The following MYRFL variants were observed in gnomAD, a reference collection of about 807,000 sequenced individuals.
MYRFL encodes myelin regulatory factor like.
A neutral mutation model predicts 109.4 loss-of-function variants in MYRFL; 88 were observed. The observed-to-expected ratio is 0.80, with a 90% CI of 0.68 to 0.96. The LOEUF is 0.96. MYRFL is among the 40% of genes least tolerant of loss of function. The pLI is 0.00. For missense variants in MYRFL, 957 were observed against 954.9 expected, an observed-to-expected ratio of 1.00 and a Z score of -0.03; for synonymous variants, 324 against 320.9, an observed-to-expected ratio of 1.01 and a Z score of -0.10.
At chr12:69,878,141 GC>G (rs1885802747) in intron 2 of MYRFL, among the ~76,000 whole-genome samples, 2 of 151,128 alleles carry the variant, frequency 1.3e-5, no homozygotes, top group South Asian at 2.1e-4. Flanking sequence ...TACTTGGGAG[GC>G]TGAGTCAGGA....
intron 1 of MYRFL, among the ~76,000 whole-genome samples, chr12:69,844,200 G>A (rs958477095): frequency 1.3e-5 from 2 of 152,178 alleles, no homozygotes; most frequent in Non-Finnish European, 2.9e-5. Context: ...GCCAGTTACT[G>A]CAGGGATCAT....
intron 5 of MYRFL, among the ~76,000 whole-genome samples, chr12:69,885,437 C>T (rs1489474680): frequency 5.9e-5 from 9 of 152,114 alleles, no homozygotes; most frequent in African/African-American, 2.2e-4. Flanking sequence ...AACAACCCAG[C>T]TCCTTTCTCC....
intron 2 of MYRFL, among the ~76,000 whole-genome samples, chr12:69,863,796 C>T (rs1884843961): frequency 6.6e-6 from 1 of 152,156 alleles, no homozygotes; most frequent in South Asian, 2.1e-4. Flanking sequence ...CTTCTTCCAC[C>T]TTAGGAACTC....
At chr12:69,912,048 G>T (rs902979109) in intron 13 of MYRFL, among the ~76,000 whole-genome samples, 1 of 152,162 alleles carries the variant, frequency 6.6e-6, no homozygotes, top group Non-Finnish European at 1.5e-5. Context: ...TTTCATGTTA[G>T]GCACCACCAC....
In MYRFL at chr12:69,920,904, C is replaced by G. The variant is rs188614051; in HGVS notation, c.1603-5667C>G. On this transcript the variant is annotated intron_variant, in intron 13 of 24. Coordinates refer to ENST00000552032, the MANE Select transcript of MYRFL (RefSeq NM_182530.3). ...CATGCTCATTCTGTCCATATGTACC[C>G]TAACTCCATAGCAAGTCTCAAACAG... Among the ~76,000 whole-genome samples the G allele has an allele frequency of 9.8e-5, 15 of 152,306 alleles. No individual in the cohort carries two copies. The South Asian group carries it at 1.5e-3, about 15-fold the overall frequency.
At chr12:69,886,724 C>A in intron 5 of MYRFL, 96 bp from the exon 6 acceptor site, 1 of 1,418,240 alleles carries the variant, frequency 7.1e-7, no homozygotes, top group South Asian at 1.4e-5. Context: ...GTCACTCTGC[C>A]TTACACATGG....
intron 2 of MYRFL, among the ~76,000 whole-genome samples, chr12:69,858,309 T>A (rs567721978): frequency 1.3e-5 from 2 of 152,064 alleles, no homozygotes; most frequent in South Asian, 4.1e-4. Context: ...ATCACAGTTT[T>A]GTTTTTTTAT....
chr12:69,940,425 A>C lies in MYRFL; in HGVS notation c.2224+3793A>C, dbSNP rs557756633. Among the ~76,000 whole-genome samples, 58 of 150,054 alleles carry C rather than the reference A, an allele frequency of 3.9e-4. 1 individual carries two copies. The South Asian group carries it at 7.3e-3, about 19-fold the overall frequency. Reference sequence around the variant, plus strand: ...ACATTCTTAAAGAAAATAATTTTCAACCCAGAATTTCATATCCAGCCAAAC... The same window carrying C: ...ACATTCTTAAAGAAAATAATTTTCACCCCAGAATTTCATATCCAGCCAAAC... On this transcript the variant is annotated intron_variant, in intron 19 of 24. Transcript: ENST00000552032.
chr12:69,958,048 C>T (rs1956133151), intron 23 of MYRFL, 106 bp downstream of exon 23: 5 of 1,426,444 alleles, frequency 3.5e-6, no homozygotes, highest in Non-Finnish European at 2.8e-6. Flanking sequence ...CTTGGCTCAG[C>T]CTCTTCCTTG....
At chr12:69,831,394 C>T (rs1411423650) in intron 1 of MYRFL, among the ~76,000 whole-genome samples, 3 of 152,158 alleles carry the variant, frequency 2.0e-5, no homozygotes, top group East Asian at 1.9e-4. Flanking sequence ...TTTACCAACC[C>T]CTGATCTACA....
At chr12:69,830,929 C>A (rs555379640) in intron 1 of MYRFL, among the ~76,000 whole-genome samples, 4 of 152,196 alleles carry the variant, frequency 2.6e-5, no homozygotes, top group Admixed American at 2.6e-4. Flanking sequence ...CATCTTTCAA[C>A]TTTGAAGTTA....
intron 13 of MYRFL, among the ~76,000 whole-genome samples, chr12:69,924,597 G>A (rs1278662008): frequency 6.6e-6 from 1 of 152,128 alleles, no homozygotes; most frequent in Admixed American, 6.5e-5. Flanking sequence ...AGAAGTGGGT[G>A]TACTGGCTCA....
intron 2 of MYRFL, among the ~76,000 whole-genome samples, chr12:69,865,453 G>T (rs1884961975): frequency 6.6e-6 from 1 of 152,048 alleles, no homozygotes. Context: ...TGACTTTTCT[G>T]GGTTTTATGG....
chr12:69,861,240 T>G (rs1392728181), intron 2 of MYRFL, among the ~76,000 whole-genome samples: 1 of 152,016 alleles, frequency 6.6e-6, no homozygotes, highest in Non-Finnish European at 1.5e-5. Context: ...CAGCATGATT[T>G]ATAGTCCTTT....
At chr12:69,953,038 G>A (rs1424675900) in intron 21 of MYRFL, among the ~76,000 whole-genome samples, 152 bp downstream of exon 21, 2 of 152,164 alleles carry the variant, frequency 1.3e-5, no homozygotes, top group Admixed American at 1.3e-4. Context: ...TACATGGTGG[G>A]AGAAAGAATC....
intron 1 of MYRFL, among the ~76,000 whole-genome samples, chr12:69,828,567 C>T (rs1329873905): frequency 6.6e-6 from 1 of 152,066 alleles, no homozygotes; most frequent in Non-Finnish European, 1.5e-5. Flanking sequence ...GAAACTTTAA[C>T]GTTTGCAAAG....
At chr12:69,883,394 C>T (rs1886248849) in intron 5 of MYRFL, among the ~76,000 whole-genome samples, 1 of 152,090 alleles carries the variant, frequency 6.6e-6, no homozygotes, top group South Asian at 2.1e-4. Context: ...ATAAGAATGT[C>T]CAGAGCAGCA....
intron 1 of MYRFL, among the ~76,000 whole-genome samples, chr12:69,838,590 T>G (rs1883079596): frequency 6.6e-6 from 1 of 152,240 alleles, no homozygotes; most frequent in Non-Finnish European, 1.5e-5. Context: ...TCAATTGTGT[T>G]TTATTTCTTT....
chr12:69,829,504 G>A (rs1423161901), intron 1 of MYRFL, among the ~76,000 whole-genome samples: 1 of 152,184 alleles, frequency 6.6e-6, no homozygotes, highest in Non-Finnish European at 1.5e-5. Flanking sequence ...GAGGAGAGCC[G>A]TTGCTTGGAA....
Sources: gnomAD v4.1 joint callset for allele counts (sites outside exome capture counted in the v4.1 genomes callset) on GRCh38, gnomAD v4.1.1 for gene constraint, MANE v1.5 for transcripts, NCBI Gene and HGNC (gene_info 2026-07-23, HGNC 2026-07-21) for gene names.